The following MRTFB variants were observed in gnomAD, a reference collection of about 807,000 sequenced individuals.
MRTFB encodes the protein myocardin-related transcription factor B.
A neutral mutation model predicts 104.2 loss-of-function variants in MRTFB; 29 were observed. That is an observed-to-expected ratio of 0.28 (90% CI 0.21 to 0.38). MRTFB has a LOEUF of 0.38. Ranked by LOEUF, MRTFB falls within the 10% of genes least tolerant of loss-of-function variation. MRTFB has a pLI of 1.00. For missense variants in MRTFB, 1,270 were observed against 1,341.6 expected, an observed-to-expected ratio of 0.95 and a Z score of 0.83; for synonymous variants, 535 against 519.5, an observed-to-expected ratio of 1.03 and a Z score of -0.41.
At chr16:14,160,019 A>G (rs992453186) in intron 3 of MRTFB, among the ~76,000 whole-genome samples, 4 of 152,134 alleles carry the variant, frequency 2.6e-5, no homozygotes, top group Non-Finnish European at 1.5e-5. Context: ...GAATAAATAC[A>G]TTCTCCTGTA....
the MRTFB span, among the ~76,000 whole-genome samples, chr16:14,035,192 A>T: frequency 3.7e-3 from 565 of 152,330 alleles, 3 homozygotes; most frequent in African/African-American, 0.013. Flanking sequence ...AGGAGACTGC[A>T]TAAGATTGCG....
intron 3 of MRTFB, among the ~76,000 whole-genome samples, chr16:14,180,086 C>T (rs756788180): frequency 6.6e-6 from 1 of 151,956 alleles, no homozygotes; most frequent in Non-Finnish European, 1.5e-5. Flanking sequence ...ACAGAAGCAC[C>T]GGTATAAAGA....
chr16:14,102,862 A>G (rs899725908), intron 2 of MRTFB, among the ~76,000 whole-genome samples: 1 of 152,190 alleles, frequency 6.6e-6, no homozygotes, highest in Non-Finnish European at 1.5e-5. Flanking sequence ...TAGAATGTGC[A>G]GTTTTCTCTA....
chr16:14,105,160 A>C (rs1156487912), intron 2 of MRTFB, among the ~76,000 whole-genome samples: 1 of 152,158 alleles, frequency 6.6e-6, no homozygotes, highest in Non-Finnish European at 1.5e-5. Flanking sequence ...GGAACCCATT[A>C]TTTCTTTCCT....
At chr16:14,100,435 C>T (rs1469269069) in intron 2 of MRTFB, among the ~76,000 whole-genome samples, 6 of 152,106 alleles carry the variant, frequency 3.9e-5, no homozygotes. Context: ...CCTTACATTC[C>T]TAGGATAAAC....
intron 13 of MRTFB, among the ~76,000 whole-genome samples, 193 bp downstream of exon 13, chr16:14,249,274 A>C (rs1020961330): frequency 6.6e-6 from 1 of 152,212 alleles, no homozygotes. Flanking sequence ...ATGGAGAAAG[A>C]CCTTTTCATT....
At chr16:14,030,335 C>T in the MRTFB span, among the ~76,000 whole-genome samples, 1 of 152,224 alleles carries the variant, frequency 6.6e-6, no homozygotes, top group African/African-American at 2.4e-5. Context: ...CCCCTCTGCC[C>T]TCTAACCACA....
At chr16:14,099,857 G>A (rs761011964) in intron 2 of MRTFB, among the ~76,000 whole-genome samples, 1 of 151,808 alleles carries the variant, frequency 6.6e-6, no homozygotes, top group Non-Finnish European at 1.5e-5. Flanking sequence ...TAGTAGAGAT[G>A]GGATTTCACT....
the MRTFB span, among the ~76,000 whole-genome samples, chr16:14,003,623 G>GGCCT: frequency 7.0e-5 from 6 of 85,438 alleles, no homozygotes; most frequent in Middle Eastern, 8.5e-3. Context: ...GGGGCCGGCC[G>GGCCT]GCCTGCCTGC....
chr16:14,001,408 TC>T, the MRTFB span, among the ~76,000 whole-genome samples: 1 of 152,156 alleles, frequency 6.6e-6, no homozygotes, highest in Admixed American at 6.5e-5. Flanking sequence ...GTGGGAAAGA[TC>T]CAGCCCCAGC....
intron 6 of MRTFB, among the ~76,000 whole-genome samples, chr16:14,216,852 C>G (rs981529661): frequency 6.6e-6 from 1 of 152,190 alleles, no homozygotes; most frequent in Non-Finnish European, 1.5e-5. Context: ...CTGCCATAAA[C>G]AAACAATAGC....
Position 14,260,934 on chromosome 16 carries a change from A to G in MRTFB, c.2790A>G (p.Glu930=). The G allele has an allele frequency of 6.2e-7, 1 of 1,610,620 alleles. No homozygotes were observed. Among genetic ancestry groups the G allele is most frequent in the Non-Finnish European group, 8.5e-7 (1 of 1,177,634 alleles). ...SGEISLPIKE[E]PSPISKMRPV... ...AGATCTCCCTCCCCATAAAAGAAGA[A>G]CCTTCTCCTATTTCCAAAATGAGAC... Residue 930 remains glutamate (E), a synonymous_variant, in exon 17 of 17, where the codon GAA becomes GAG. Coordinates refer to ENST00000571589, the MANE Select transcript of MRTFB (RefSeq NM_001308142.2).
At position 14,249,005 on chromosome 16, in the gene MRTFB, G is replaced by C. The variant is rs2043140971; in HGVS notation, c.2327G>C (p.Gly776Ala). Reference protein sequence around the residue: ...AQIPTAALASGLAPTVPQTQD... With the variant: ...AQIPTAALASALAPTVPQTQD... Reference sequence around the variant, plus strand: ...ATACCAACTGCTGCCTTGGCCTCAGGCTTGGCCCCAACTGTACCTCAGACA... The same window carrying C: ...ATACCAACTGCTGCCTTGGCCTCAGCCTTGGCCCCAACTGTACCTCAGACA... Residue 776 changes from glycine (G) to alanine (A), a missense_variant, in exon 13 of 17, where the codon GGC (glycine) becomes GCC (alanine). By Grantham distance (60) the Gly-to-Ala change is moderately conservative (BLOSUM62 0). This residue lies in a region of MRTFB where 1,144 missense variants were observed against 1,131.5 expected (regional missense o/e 1.01). Transcript: ENST00000571589. 1 of 1,614,172 alleles carries C rather than the reference G, an allele frequency of 6.2e-7. No homozygotes were observed. Among genetic ancestry groups the C allele is most frequent in the African/African-American group, 1.3e-5 (1 of 75,054 alleles).
At chr16:14,185,732 T>TGTGAAAAAAAGGACAAAA (rs2039929413) in intron 3 of MRTFB, among the ~76,000 whole-genome samples, 3 of 152,012 alleles carry the variant, frequency 2.0e-5, no homozygotes, top group Admixed American at 1.3e-4. Flanking sequence ...AGTCTACTGC[T>TGTGAAAAAAAGGACAAAA]CTTATAACCT....
At chr16:14,120,004 T>G (rs1304672060) in intron 2 of MRTFB, among the ~76,000 whole-genome samples, 2 of 152,248 alleles carry the variant, frequency 1.3e-5, no homozygotes, top group African/African-American at 4.8e-5. Flanking sequence ...CTTGGTACTG[T>G]CAGACTTTCA....
the MRTFB span, among the ~76,000 whole-genome samples, chr16:14,017,712 T>TATATATATATATATATATATATATA: frequency 1.6e-3 from 16 of 9,946 alleles, no homozygotes; most frequent in Non-Finnish European, 2.8e-3. Context: ...TATATATATA[T>TATATATATATATATATATATATATA]TTTTTTTTTT....
In MRTFB at chr16:14,177,903, G is replaced by GGTT; in HGVS notation, c.155-32338_155-32337insTGT. Reference sequence around the variant, plus strand: ...CGAGAAGTACATGAACCAGAGGTAGGGTGTGTGTGTGTGTGTGTGTGTGTG... The same window carrying GGTT: ...CGAGAAGTACATGAACCAGAGGTAGGGTTGTGTGTGTGTGTGTGTGTGTGTGTG... On this transcript the variant is annotated intron_variant, in intron 3 of 16. Coordinates refer to ENST00000571589, the MANE Select transcript of MRTFB (RefSeq NM_001308142.2). This position sits in a 1 kb window ranked among gnomAD's most constrained non-coding sequence, Gnocchi z 4.7. 6.8e-6 allele frequency among the ~76,000 whole-genome samples: 1 copy of GGTT among 146,074 alleles called. No individual in the cohort carries two copies. The highest frequency in any genetic ancestry group is 2.2e-4 in the South Asian group (1 of 4,510).
At chr16:14,128,356 T>C (rs376036820) in intron 2 of MRTFB, among the ~76,000 whole-genome samples, 203 of 152,312 alleles carry the variant, frequency 1.3e-3, no homozygotes, top group African/African-American at 4.2e-3. Context: ...GTTCGTGGTC[T>C]CGACCAGTTG....
At chr16:14,019,829 C>CA in the MRTFB span, among the ~76,000 whole-genome samples, 49,161 of 151,982 alleles carry the variant, frequency 0.32, 9,561 homozygotes, top group South Asian at 0.49. Context: ...ATTATAGATC[C>CA]AAAAAAGGCT....
Sources: allele counts gnomAD v4.1 joint callset (sites outside exome capture counted in the v4.1 genomes callset), GRCh38; gene constraint gnomAD v4.1.1; regional missense constraint gnomAD v4.1.1; non-coding constraint Gnocchi (gnomAD v3.1); transcripts MANE v1.5; gene names NCBI Gene and HGNC (gene_info 2026-07-23, HGNC 2026-07-21).